RXRA: variants seen among roughly 807,000 people sequenced by gnomAD.
RXRA encodes retinoid X receptor alpha, also known as retinoic acid receptor RXR-alpha.
In RXRA, 5 loss-of-function variants were observed where a neutral mutation model predicts 44.5. The observed-to-expected ratio is 0.11, with a 90% CI of 0.06 to 0.24. The LOEUF (loss-of-function observed/expected upper bound fraction) is 0.24. RXRA is among the 10% of genes least tolerant of loss of function. RXRA has a pLI of 1.00. For missense variants in RXRA, 412 were observed against 646.5 expected (o/e 0.64, Z 3.93); for synonymous variants, 291 against 271.4 (o/e 1.07, Z -0.71).
intron 2 of RXRA, chr9:134,406,070 C>T (rs142928479): frequency 6.6e-6 from 1 of 152,368 alleles, no homozygotes; most frequent in East Asian, 1.9e-4. Flanking sequence ...AGCCCTGGCA[C>T]ATGGAGCGAC....
rs556351241 is a variant in RXRA, at chr9:134,383,221, G to C, written c.29-18411G>C. ...AGAGGGCTGAGCAGCTGGTCAGCTG[G>C]ACTTGCTCTGGGGGTCTTTGTCTCA... On this transcript the variant is annotated intron_variant, in intron 1 of 9. Transcript: ENST00000481739. Among the ~76,000 whole-genome samples, 8 of 152,350 alleles carry C rather than the reference G, an allele frequency of 5.3e-5. No homozygotes were observed. In the South Asian group the frequency reaches 1.4e-3, roughly 28 times the overall value.
chr9:134,364,997 A>G (rs1830396272), intron 1 of RXRA, among the ~76,000 whole-genome samples: 1 of 152,184 alleles, frequency 6.6e-6, no homozygotes. Context: ...GAGGAGGCTG[A>G]TGCTAGAGAG....
chr9:134,424,690 G>T, intron 6 of RXRA: 1 of 985,476 alleles, frequency 1.0e-6, no homozygotes, highest in Non-Finnish European at 1.2e-6. Context: ...TGGAACACTG[G>T]AGTTTGAAGC....
At chr9:134,374,425 A>G (rs1830527729) in intron 1 of RXRA, among the ~76,000 whole-genome samples, 1 of 152,068 alleles carries the variant, frequency 6.6e-6, no homozygotes, top group Non-Finnish European at 1.5e-5. Flanking sequence ...GAGGGGGTGA[A>G]TCGCAGGCCA....
chr9:134,404,752 C>T (rs1471996391), intron 2 of RXRA: 4 of 152,272 alleles, frequency 2.6e-5, no homozygotes, highest in Non-Finnish European at 5.9e-5. Flanking sequence ...GCTCCTGCCT[C>T]GATGGACAGA....
intron 1 of RXRA, among the ~76,000 whole-genome samples, chr9:134,333,837 C>T (rs945072181): frequency 3.3e-5 from 5 of 152,172 alleles, no homozygotes; most frequent in African/African-American, 7.2e-5. Context: ...CCCTCTGAAT[C>T]GGGCGCTCTC....
chr9:134,368,436 C>T (rs955828397), intron 1 of RXRA, among the ~76,000 whole-genome samples: 1 of 152,246 alleles, frequency 6.6e-6, no homozygotes, highest in South Asian at 2.1e-4. Flanking sequence ...TTCGGAGATG[C>T]GCCCTCCAGG....
At chr9:134,393,099 A>G (rs1383227346) in intron 1 of RXRA, among the ~76,000 whole-genome samples, 1 of 151,680 alleles carries the variant, frequency 6.6e-6, no homozygotes, top group East Asian at 1.9e-4. Context: ...TAGGGAATTG[A>G]CATTTCCTGA....
intron 6 of RXRA, chr9:134,422,988 G>T (rs1831373045): frequency 2.4e-5 from 24 of 985,490 alleles, no homozygotes; most frequent in Non-Finnish European, 2.9e-5. Context: ...TGCTCCACGC[G>T]CATCACACTC....
chr9:134,368,728 G>A (rs1326291134), intron 1 of RXRA, among the ~76,000 whole-genome samples: 1 of 149,712 alleles, frequency 6.7e-6, no homozygotes, highest in Admixed American at 6.7e-5. Flanking sequence ...TTCATGCCAT[G>A]TGTGGATGTG....
chr9:134,402,045 G>A, intron 2 of RXRA, 163 bp downstream of exon 2: 1 of 646,672 alleles, frequency 1.5e-6, no homozygotes, highest in South Asian at 2.1e-5. Flanking sequence ...AGTGCCGTGG[G>A]GGTTTGAGCC....
chr9:134,395,772 T>C (rs2119130578), intron 1 of RXRA, among the ~76,000 whole-genome samples: 1 of 152,384 alleles, frequency 6.6e-6, no homozygotes, highest in East Asian at 1.9e-4. Flanking sequence ...GAGGCAGGCC[T>C]GGGTCTCTCC....
chr9:134,345,814 C>T (rs1830143250), intron 1 of RXRA, among the ~76,000 whole-genome samples: 1 of 152,172 alleles, frequency 6.6e-6, no homozygotes, highest in Non-Finnish European at 1.5e-5. Flanking sequence ...ACTCTCTGGC[C>T]CGGCTCATTC....
chr9:134,371,515 G>A (rs189875751), intron 1 of RXRA, among the ~76,000 whole-genome samples: 4 of 152,130 alleles, frequency 2.6e-5, no homozygotes, highest in East Asian at 1.9e-4. Context: ...TGGGGGCACC[G>A]TCTCTTTCCA....
At position 134,408,200 on chromosome 9, in the gene RXRA, C is replaced by G. The variant is rs764056224; in HGVS notation, c.331C>G (p.Leu111Val). The G allele has an allele frequency of 5.6e-6, 9 of 1,608,068 alleles. No individual in the cohort carries two copies. The highest frequency in any genetic ancestry group is 6.8e-6 in the Non-Finnish European group (8 of 1,177,110). ...CAGCAGCGAGGACATCAAGCCCCCCCTGGGCCTCAATGGCGTCCTCAAGGT... is the reference window on the plus strand; with the variant it reads ...CAGCAGCGAGGACATCAAGCCCCCCGTGGGCCTCAATGGCGTCCTCAAGGT... ...VSSSEDIKPP[L>V]GLNGVLKVPA... The change falls in exon 3 of 10, where the codon CTG becomes GTG. Residue 111 changes from leucine (L) to valine (V), a missense_variant. By Grantham distance (32) the Leu-to-Val change is conservative (BLOSUM62 1). Transcript: ENST00000481739.
At position 134,429,133 on chromosome 9, in the gene RXRA, C is replaced by T. The variant is rs1344406274; in HGVS notation, c.936C>T (p.Ser312=). ...RAGWNELLIA[S]FSHRSIAVKD... ...GCTGGAATGAGCTGCTCATCGCCTC[C>T]TTCTCCCACCGCTCCATCGCCGTGA... The change falls in exon 7 of 10, where the codon TCC becomes TCT. Residue 312 remains serine, a synonymous_variant. Transcript: ENST00000481739. The T allele has an allele frequency of 6.2e-7, 1 of 1,613,080 alleles. No homozygotes were observed.
chr9:134,328,547 G>A (rs782745247), intron 1 of RXRA, among the ~76,000 whole-genome samples: 4 of 152,136 alleles, frequency 2.6e-5, no homozygotes, highest in Non-Finnish European at 5.9e-5. Flanking sequence ...GGCAGCCCAC[G>A]CCCCAGGGCT....
intron 3 of RXRA, 111 bp downstream of exon 3, chr9:134,408,410 A>G: frequency 1.6e-6 from 2 of 1,213,990 alleles, no homozygotes; most frequent in Admixed American, 5.9e-5. Context: ...ACCCAAGGCC[A>G]GGGTGCAGGG....
chr9:134,352,798 G>A (rs1196901192), intron 1 of RXRA, among the ~76,000 whole-genome samples: 1 of 152,170 alleles, frequency 6.6e-6, no homozygotes, highest in Admixed American at 6.5e-5. Context: ...CTCGCTTGAG[G>A]TTGGAGCGGT....
Sources: gnomAD v4.1 joint callset for allele counts (sites outside exome capture counted in the v4.1 genomes callset) on GRCh38, gnomAD v4.1.1 for gene constraint, MANE v1.5 for transcripts, NCBI Gene and HGNC (gene_info 2026-07-23, HGNC 2026-07-21) for gene names.